The following NAV3 variants were observed in gnomAD, a reference collection of about 807,000 sequenced individuals.
NAV3 encodes pore membrane and/or filament interacting like protein 1.
Under a neutral mutation model 244.7 loss-of-function variants are expected in NAV3, and 87 were observed. That is an observed-to-expected ratio of 0.36 (90% confidence interval 0.30 to 0.42). NAV3 has a LOEUF of 0.42. Among genes scored for constraint, NAV3 ranks in the 20% least tolerant of loss-of-function variants. The probability of loss-of-function intolerance (pLI) is 1.00; values close to 1 mark genes in which losing one functional copy is unlikely to be tolerated. For missense variants in NAV3, 2,663 were observed against 2,893.3 expected (o/e 0.92, Z 1.83); for synonymous variants, 1,126 against 1,042.2 (o/e 1.08, Z -1.55).
intron 2 of NAV3, among the ~76,000 whole-genome samples, chr12:77,750,067 C>G (rs1868764277): frequency 6.6e-6 from 1 of 152,144 alleles, no homozygotes; most frequent in Non-Finnish European, 1.5e-5. Context: ...AAGATAACCT[C>G]TGTTGGCTAG....
At chr12:77,735,886 A>G (rs1877314095) in intron 2 of NAV3, among the ~76,000 whole-genome samples, 1 of 152,222 alleles carries the variant, frequency 6.6e-6, no homozygotes, top group Non-Finnish European at 1.5e-5. Flanking sequence ...TACTAAAATT[A>G]CAATAGAACA....
chr12:77,659,368 A>G (rs1445253807), intron 2 of NAV3, among the ~76,000 whole-genome samples: 1 of 152,166 alleles, frequency 6.6e-6, no homozygotes, highest in Non-Finnish European at 1.5e-5. Flanking sequence ...AATGCTCACC[A>G]TCACTGGCCA....
chr12:78,125,933 G>A (rs300465), intron 16 of NAV3, among the ~76,000 whole-genome samples: 10,264 of 152,040 alleles, frequency 0.068, 365 homozygotes, highest in Admixed American at 0.077. Context: ...ACTTTAACTT[G>A]TACACATGGA....
At chr12:78,190,646 T>C (rs1203559577) in intron 34 of NAV3, among the ~76,000 whole-genome samples, 1 of 152,070 alleles carries the variant, frequency 6.6e-6, no homozygotes, top group African/African-American at 2.4e-5. Context: ...TTTGCAGGAA[T>C]GGAGATTTGG....
intron 2 of NAV3, among the ~76,000 whole-genome samples, chr12:77,776,129 C>G (rs1049555133): frequency 3.3e-5 from 5 of 152,166 alleles, no homozygotes; most frequent in African/African-American, 2.4e-5. Flanking sequence ...TTATAAAATT[C>G]ATCTGTCACA....
At chr12:77,683,538 G>T (rs1874568517) in intron 2 of NAV3, among the ~76,000 whole-genome samples, 1 of 151,976 alleles carries the variant, frequency 6.6e-6, no homozygotes, top group Non-Finnish European at 1.5e-5. Context: ...TTTAGGATTG[G>T]TTTTTATATT....
At chr12:77,814,968 G>A (rs1227195522) in intron 2 of NAV3, among the ~76,000 whole-genome samples, 1 of 152,072 alleles carries the variant, frequency 6.6e-6, no homozygotes, top group Non-Finnish European at 1.5e-5. Context: ...ACTTACATTG[G>A]CACTGTTCAT....
chr12:77,995,302 G>A (rs893290368), intron 6 of NAV3, among the ~76,000 whole-genome samples: 5 of 152,120 alleles, frequency 3.3e-5, no homozygotes, highest in African/African-American at 1.2e-4. Flanking sequence ...GTTAGTACCA[G>A]GTCAGTCTGG....
At chr12:77,640,963 G>T (rs1328569289) in intron 2 of NAV3, among the ~76,000 whole-genome samples, 2 of 152,002 alleles carry the variant, frequency 1.3e-5, no homozygotes, top group African/African-American at 4.8e-5. Flanking sequence ...AATTCTCATT[G>T]GTTTGTGGAA....
intron 38 of NAV3, among the ~76,000 whole-genome samples, chr12:78,202,691 A>C (rs1249280535): frequency 2.6e-5 from 4 of 152,078 alleles, no homozygotes; most frequent in Non-Finnish European, 5.9e-5. Context: ...TGAAAGATGA[A>C]TCAACCGTGA....
intron 2 of NAV3, among the ~76,000 whole-genome samples, chr12:77,573,788 A>G (rs898102729): frequency 6.6e-6 from 1 of 152,148 alleles, no homozygotes; most frequent in Non-Finnish European, 1.5e-5. Context: ...ATAATTTCTG[A>G]TGGAGATGCT....
chr12:77,967,320 C>T (rs927542178), intron 4 of NAV3, among the ~76,000 whole-genome samples: 8 of 152,018 alleles, frequency 5.3e-5, no homozygotes, highest in Non-Finnish European at 1.2e-4. Flanking sequence ...TTTAAAGACT[C>T]TTTAAACAAA....
intron 3 of NAV3, among the ~76,000 whole-genome samples, chr12:77,941,446 G>A (rs571929486): frequency 2.0e-5 from 3 of 152,068 alleles, no homozygotes; most frequent in East Asian, 3.9e-4. Context: ...GATTATTTTT[G>A]TCTGAACAAC....
chr12:78,104,604 T>C (rs2138273127), intron 12 of NAV3, among the ~76,000 whole-genome samples: 1 of 152,320 alleles, frequency 6.6e-6, no homozygotes, highest in South Asian at 2.1e-4. Context: ...TATTTTCTTC[T>C]TGGAATCATT....
intron 1 of NAV3, among the ~76,000 whole-genome samples, chr12:77,836,099 A>T (rs1874579706): frequency 6.6e-6 from 1 of 152,200 alleles, no homozygotes; most frequent in South Asian, 2.1e-4. Context: ...TTGTTTTTCC[A>T]TTCTTCCTGG....
chr12:77,798,475 G>A (rs888699231), intron 2 of NAV3, among the ~76,000 whole-genome samples: 2 of 151,952 alleles, frequency 1.3e-5, no homozygotes, highest in African/African-American at 2.4e-5. Context: ...ATTATGAAGA[G>A]TATTTGATTT....
intron 2 of NAV3, among the ~76,000 whole-genome samples, chr12:77,795,265 C>T (rs1871354921): frequency 6.6e-6 from 1 of 152,134 alleles, no homozygotes; most frequent in Non-Finnish European, 1.5e-5. Context: ...CCATAACATT[C>T]CCTTAACCCA....
At chr12:77,655,149 A>C (rs1873030161) in intron 2 of NAV3, among the ~76,000 whole-genome samples, 2 of 152,172 alleles carry the variant, frequency 1.3e-5, no homozygotes, top group African/African-American at 4.8e-5. Flanking sequence ...CAGATGATCA[A>C]ACTACTCCGA....
At chr12:78,071,688 A>G (rs1264325511) in intron 12 of NAV3, among the ~76,000 whole-genome samples, 1 of 152,172 alleles carries the variant, frequency 6.6e-6, no homozygotes, top group Non-Finnish European at 1.5e-5. Context: ...AGCTTTCTAC[A>G]TATGGCTAGC....
Sources: gnomAD v4.1 joint callset for allele counts (sites outside exome capture counted in the v4.1 genomes callset) on GRCh38, gnomAD v4.1.1 for gene constraint, MANE v1.5 for transcripts, NCBI Gene and HGNC (gene_info 2026-07-23, HGNC 2026-07-21) for gene names.